The following CTNNA1 variants were observed in gnomAD, a reference collection of about 807,000 sequenced individuals.
The protein encoded by CTNNA1 is catenin alpha-1.
In CTNNA1, 37 loss-of-function variants were observed where a neutral mutation model predicts 98.4. The observed-to-expected ratio is 0.38, with a 90% CI of 0.29 to 0.49. The LOEUF (loss-of-function observed/expected upper bound fraction) is 0.49. Among genes scored for constraint, CTNNA1 ranks in the 20% least tolerant of loss-of-function variants. The probability of loss-of-function intolerance (pLI) is 0.95; values close to 1 mark genes in which losing one functional copy is unlikely to be tolerated. For synonymous variants in CTNNA1, 404 were observed against 413.2 expected (o/e 0.98, Z 0.27); for missense variants, 761 against 1,147.2 (o/e 0.66, Z 4.86).
intron 9 of CTNNA1, among the ~76,000 whole-genome samples, chr5:138,899,155 G>A (rs913799507): frequency 1.1e-4 from 17 of 152,020 alleles, no homozygotes; most frequent in African/African-American, 3.9e-4. Flanking sequence ...GATTACACAG[G>A]TGGTGGTTTT....
chr5:138,858,601 T>TTTTC (rs1763958155), intron 7 of CTNNA1, among the ~76,000 whole-genome samples: 8 of 144,970 alleles, frequency 5.5e-5, no homozygotes, highest in Admixed American at 6.8e-5. Context: ...TTTCTTTTTT[T>TTTTC]TTTTTTTTTT....
At position 138,934,725 on chromosome 5, in the gene CTNNA1, G is replaced by A. The variant is rs1341076047; in HGVS notation, c.*636G>A. On this transcript the variant is annotated 3_prime_UTR_variant, in exon 18 of 18. Coordinates refer to ENST00000302763, the MANE Select transcript of CTNNA1 (RefSeq NM_001903.5). ...CTTTTTTAGGCTACAGTGTCTCGAT[G>A]CCATAATCAGAACACACTTTTTTTC... 1 of 152,702 alleles carries A rather than the reference G, an allele frequency of 6.5e-6. No individual in the cohort carries two copies. The highest frequency in any genetic ancestry group is 6.5e-5 in the Admixed American group (1 of 15,280). The allele number at this position is 152,702 out of a possible 1,614,324, so 9.5% of individuals were successfully genotyped here.
chr5:138,828,594 A>C (rs1162955080), intron 7 of CTNNA1, among the ~76,000 whole-genome samples: 1 of 152,248 alleles, frequency 6.6e-6, no homozygotes, highest in East Asian at 1.9e-4. Flanking sequence ...AAGGACAACA[A>C]CACAAATTAG....
chr5:138,755,873 T>TTA, intron 1 of CTNNA1, among the ~76,000 whole-genome samples: 1 of 56,714 alleles, frequency 1.8e-5, no homozygotes, highest in African/African-American at 6.0e-5. Flanking sequence ...TTTTTTTTTT[T>TTA]TTTTTTTGAT....
In CTNNA1 at chr5:138,886,215, G is replaced by T; in HGVS notation, c.1066G>T (p.Gly356Ter). ...DLLSEYMGNA[G>*]RKERSDALNS... is the part of the protein sequence containing the mutation. ...CATCTCTTTTCCTTTTATCCAGGCT[G>T]GACGTAAAGAAAGAAGTGATGCACT... Residue 356 changes from glycine (G) to a stop codon, truncating the protein, a stop_gained, in exon 8 of 18, where the codon GGA becomes TGA. Transcript: ENST00000302763. LOFTEE classifies it high-confidence loss of function. The T allele has an allele frequency of 6.2e-7, 1 of 1,609,722 alleles. No homozygotes were observed. The highest frequency in any genetic ancestry group is 1.1e-5 in the South Asian group (1 of 90,232).
At chr5:138,798,527 C>T (rs1407176754) in intron 3 of CTNNA1, among the ~76,000 whole-genome samples, 1 of 152,156 alleles carries the variant, frequency 6.6e-6, no homozygotes, top group African/African-American at 2.4e-5. Flanking sequence ...TTTTCCAAGC[C>T]TATCCTTTCC....
intron 10 of CTNNA1, among the ~76,000 whole-genome samples, chr5:138,911,661 T>A (rs1287234652): frequency 6.6e-6 from 1 of 152,214 alleles, no homozygotes; most frequent in Admixed American, 6.5e-5. Flanking sequence ...GTTGTTGATT[T>A]TAGCTCTGTA....
chr5:138,855,492 A>T (rs1167736941), intron 7 of CTNNA1, among the ~76,000 whole-genome samples: 1 of 152,206 alleles, frequency 6.6e-6, no homozygotes, highest in Non-Finnish European at 1.5e-5. Flanking sequence ...ACTGGGTTAA[A>T]CTGGTTTTTG....
intron 3 of CTNNA1, among the ~76,000 whole-genome samples, chr5:138,785,854 G>A (rs1260835494): frequency 1.3e-5 from 2 of 151,826 alleles, no homozygotes; most frequent in Admixed American, 1.3e-4. Flanking sequence ...TTGGCCTCCC[G>A]AAGTGCTGGG....
chr5:138,765,194 C>T (rs1561499542), intron 1 of CTNNA1, among the ~76,000 whole-genome samples: 1 of 152,126 alleles, frequency 6.6e-6, no homozygotes, highest in Non-Finnish European at 1.5e-5. Flanking sequence ...GCACCCACCA[C>T]CACGCCCAGC....
At chr5:138,822,072 C>T (rs930419619) in intron 5 of CTNNA1, among the ~76,000 whole-genome samples, 2 of 152,148 alleles carry the variant, frequency 1.3e-5, no homozygotes, top group African/African-American at 2.4e-5. Context: ...TTATTTTCAT[C>T]ATAGATTAAA....
intron 7 of CTNNA1, among the ~76,000 whole-genome samples, chr5:138,845,422 A>G (rs1157449559): frequency 6.6e-6 from 1 of 152,222 alleles, no homozygotes; most frequent in Non-Finnish European, 1.5e-5. Flanking sequence ...CTGTTCAGCA[A>G]AGTTGGAATT....
At chr5:138,885,615 T>C (rs1753862215) in intron 7 of CTNNA1, among the ~76,000 whole-genome samples, 1 of 152,218 alleles carries the variant, frequency 6.6e-6, no homozygotes, top group Non-Finnish European at 1.5e-5. Flanking sequence ...GCGGGTTCTT[T>C]TCTGTGCAAT....
At chr5:138,759,027 T>C (rs1752029083) in intron 1 of CTNNA1, among the ~76,000 whole-genome samples, 1 of 152,240 alleles carries the variant, frequency 6.6e-6, no homozygotes, top group South Asian at 2.1e-4. Context: ...GGTCTTGAAC[T>C]CCTGACCTCA....
chr5:138,915,216 C>T (rs1263945007), intron 10 of CTNNA1, among the ~76,000 whole-genome samples: 6 of 152,086 alleles, frequency 3.9e-5, no homozygotes, highest in Non-Finnish European at 7.4e-5. Context: ...CCTAGGAATC[C>T]TACTAATTAT....
chr5:138,844,627 G>T (rs1976568), intron 7 of CTNNA1, among the ~76,000 whole-genome samples: 104,871 of 152,034 alleles, frequency 0.69, 36,331 homozygotes, highest in East Asian at 0.93. Flanking sequence ...ACCATTGTCT[G>T]TCTCTTTCCT....
At chr5:138,753,713 G>T (rs1051132053) in intron 1 of CTNNA1, 4 of 324,922 alleles carry the variant, frequency 1.2e-5, no homozygotes, top group Non-Finnish European at 1.1e-5. Context: ...CCCCCGCAGG[G>T]CCCGAGTATG....
intron 3 of CTNNA1, among the ~76,000 whole-genome samples, chr5:138,787,857 A>G (rs1755885090): frequency 6.6e-6 from 1 of 152,034 alleles, no homozygotes. Context: ...AAGTGATGTT[A>G]AAAAAATTCA....
intron 7 of CTNNA1, among the ~76,000 whole-genome samples, chr5:138,885,117 A>G (rs964747764): frequency 6.6e-6 from 1 of 152,288 alleles, no homozygotes; most frequent in East Asian, 1.9e-4. Flanking sequence ...GATAGGTGGC[A>G]TTTTCCACAA....
Sources: allele counts gnomAD v4.1 joint callset (sites outside exome capture counted in the v4.1 genomes callset), GRCh38; gene constraint gnomAD v4.1.1; transcripts MANE v1.5; gene names NCBI Gene and HGNC (gene_info 2026-07-23, HGNC 2026-07-21).